OOSP3: variants seen among roughly 807,000 people sequenced by gnomAD.
OOSP3 encodes oocyte-secreted protein 3.
chr11:59,896,466 G>A (rs535019583), exon 5 of OOSP3: 11 of 287,188 alleles, frequency 3.8e-5, no homozygotes, highest in Admixed American at 2.1e-4. Context: ...CAAATAAAAT[G>A]TGCTGTCCCT....
chr11:59,892,266 G>T (rs76487409), intron 2 of OOSP3, among the ~76,000 whole-genome samples: 4,227 of 152,212 alleles, frequency 0.028, 203 homozygotes, highest in African/African-American at 0.092. Context: ...CCTTGACTGG[G>T]GGAGGGACGG....
At chr11:59,884,342 C>T (rs150979012) in intron 2 of OOSP3, among the ~76,000 whole-genome samples, 266 of 151,594 alleles carry the variant, frequency 1.8e-3, no homozygotes, top group African/African-American at 5.8e-3. Flanking sequence ...TGATTTCTGT[C>T]GATTGATCTT....
chr11:59,879,436 A>G (rs952833216), intron 1 of OOSP3, among the ~76,000 whole-genome samples: 3 of 152,084 alleles, frequency 2.0e-5, no homozygotes, highest in African/African-American at 7.2e-5. Flanking sequence ...CATCTAAACT[A>G]TATATTTTTA....
chr11:59,891,240 G>A (rs1210373652), intron 2 of OOSP3, among the ~76,000 whole-genome samples: 1 of 152,146 alleles, frequency 6.6e-6, no homozygotes, highest in Admixed American at 6.5e-5. Flanking sequence ...GCTCAGCGAA[G>A]TTCATTATTA....
chr11:59,889,902 G>C (rs973864034), intron 2 of OOSP3, among the ~76,000 whole-genome samples: 2 of 152,108 alleles, frequency 1.3e-5, no homozygotes, highest in African/African-American at 4.8e-5. Context: ...TCCCACTATT[G>C]TGTGGGGGTC....
intron 4 of OOSP3, 67 bp from the exon 5 acceptor site, chr11:59,896,066 T>C (rs1296178901): frequency 2.5e-6 from 1 of 397,722 alleles, no homozygotes; most frequent in African/African-American, 2.1e-5. Context: ...ATGTGTTTAC[T>C]GTGCCAAGTT....
At chr11:59,886,256 G>T (rs1293760639) in intron 2 of OOSP3, among the ~76,000 whole-genome samples, 1 of 152,070 alleles carries the variant, frequency 6.6e-6, no homozygotes, top group Non-Finnish European at 1.5e-5. Context: ...AGTATTCCAT[G>T]GTATGTATGT....
At chr11:59,882,030 G>A (rs1460488093) in intron 2 of OOSP3, among the ~76,000 whole-genome samples, 2 of 152,154 alleles carry the variant, frequency 1.3e-5, no homozygotes, top group Non-Finnish European at 2.9e-5. Flanking sequence ...ATGAAAGTTT[G>A]CAGATTTTTA....
At chr11:59,882,469 A>G (rs186156610) in intron 2 of OOSP3, among the ~76,000 whole-genome samples, 2 of 152,288 alleles carry the variant, frequency 1.3e-5, no homozygotes, top group Admixed American at 6.5e-5. Context: ...TACCTTATCA[A>G]ATCAGATTCT....
chr11:59,895,368 G>T, intron 3 of OOSP3, 134 bp from the exon 4 acceptor site: 1 of 386,712 alleles, frequency 2.6e-6, no homozygotes, highest in Non-Finnish European at 4.5e-6. Flanking sequence ...AGGCAGAGAG[G>T]TAGCAGTGTT....
intron 2 of OOSP3, among the ~76,000 whole-genome samples, chr11:59,884,475 G>GTCTGTCTGTC (rs1293196028): frequency 6.4e-4 from 73 of 113,880 alleles, no homozygotes; most frequent in African/African-American, 2.6e-3. Context: ...CTGTCTGTCT[G>GTCTGTCTGTC]TCTCTCTCTC....
chr11:59,888,411 T>C (rs1853281686), intron 2 of OOSP3, among the ~76,000 whole-genome samples: 1 of 152,330 alleles, frequency 6.6e-6, no homozygotes. Flanking sequence ...GTTTTGCCCT[T>C]TCGTTCTGAT....
exon 3 of OOSP3, chr11:59,894,164 G>A: frequency 2.5e-6 from 1 of 398,478 alleles, no homozygotes; most frequent in Non-Finnish European, 4.4e-6. Flanking sequence ...CCTTTGATGT[G>A]TATTGTATAT....
chr11:59,894,491 G>A lies in OOSP3; in HGVS notation c.350+315G>A, dbSNP rs187201070. Among the ~76,000 whole-genome samples, 26 of 152,152 alleles carry A rather than the reference G, an allele frequency of 1.7e-4. 1 individual carries two copies. The highest frequency in any genetic ancestry group is 6.3e-4 in the African/African-American group (26 of 41,440). ...ACTCTCATGATTCAGTGATTTGGGG[G>A]CATGAAAAGCCAGCTCTGTTTCTTG... is the stretch of plus-strand genomic sequence containing the variant. On this transcript the variant is annotated intron_variant, in intron 3 of 4. Transcript: ENST00000646438.
At chr11:59,880,910 G>T (rs374041411) in intron 2 of OOSP3, among the ~76,000 whole-genome samples, 2 of 152,308 alleles carry the variant, frequency 1.3e-5, no homozygotes, top group Admixed American at 1.3e-4. Flanking sequence ...TTCACTAGGG[G>T]AAGTCAGAGG....
chr11:59,891,594 G>T (rs1167726061), intron 2 of OOSP3, among the ~76,000 whole-genome samples: 1 of 152,202 alleles, frequency 6.6e-6, no homozygotes, highest in African/African-American at 2.4e-5. Flanking sequence ...GCCTGTTGAG[G>T]CCGCAGAACA....
chr11:59,884,471 G>GTCTC (rs1853232583), intron 2 of OOSP3, among the ~76,000 whole-genome samples: 7 of 100,098 alleles, frequency 7.0e-5, no homozygotes, highest in Admixed American at 2.2e-4. Context: ...CTGTCTGTCT[G>GTCTC]TCTGTCTCTC....
intron 2 of OOSP3, among the ~76,000 whole-genome samples, chr11:59,893,802 A>G (rs547791359): frequency 2.0e-5 from 3 of 152,242 alleles, no homozygotes; most frequent in Non-Finnish European, 4.4e-5. Context: ...TGTTAAGTAG[A>G]AGCTGTAGCC....
At chr11:59,887,629 G>A (rs565622420) in intron 2 of OOSP3, among the ~76,000 whole-genome samples, 1 of 152,216 alleles carries the variant, frequency 6.6e-6, no homozygotes, top group East Asian at 1.9e-4. Context: ...TTATTTCTGA[G>A]TTCTGTATTT....
Sources: gnomAD v4.1 joint callset for allele counts (sites outside exome capture counted in the v4.1 genomes callset) on GRCh38, gnomAD v4.1.1 for gene constraint, MANE v1.5 for transcripts, NCBI Gene and HGNC (gene_info 2026-07-23, HGNC 2026-07-21) for gene names.